The following FAM227B variants were observed in gnomAD, a reference collection of about 807,000 sequenced individuals.
FAM227B encodes protein FAM227B.
FAM227B carries 88 observed loss-of-function variants against 73.8 expected under a neutral mutation model. The ratio of observed to expected loss-of-function variants is 1.19; its 90% CI spans 1.00 to 1.42. FAM227B has a LOEUF of 1.42. FAM227B is among the 40% of genes most tolerant of loss of function. FAM227B has a pLI of 0.00. For missense variants in FAM227B, 632 were observed against 590.9 expected (o/e 1.07, Z -0.72); for synonymous variants, 210 against 190.5 (o/e 1.10, Z -0.84).
At chr15:49,546,535 C>T (rs557082227) in intron 9 of FAM227B, among the ~76,000 whole-genome samples, 152 of 152,328 alleles carry the variant, frequency 1.0e-3, no homozygotes, top group African/African-American at 3.5e-3. Context: ...AATCACCACA[C>T]TGACTTCCAC....
intron 11 of FAM227B, among the ~76,000 whole-genome samples, chr15:49,479,912 C>G (rs1283440634): frequency 6.6e-6 from 1 of 152,144 alleles, no homozygotes; most frequent in Non-Finnish European, 1.5e-5. Flanking sequence ...CTGCGCTCCG[C>G]CCATAGTTAA....
At chr15:49,360,765 G>C (rs1046132853) in intron 13 of FAM227B, among the ~76,000 whole-genome samples, 6 of 152,096 alleles carry the variant, frequency 3.9e-5, no homozygotes, top group Admixed American at 3.9e-4. Context: ...ATATTTAAAT[G>C]TTCTGCTAAT....
intron 2 of FAM227B, among the ~76,000 whole-genome samples, chr15:49,611,661 CTAGT>C (rs2077928567): frequency 6.6e-6 from 1 of 152,100 alleles, no homozygotes; most frequent in Non-Finnish European, 1.5e-5. Flanking sequence ...AAAAAGTTAA[CTAGT>C]TACATAGTTA....
chr15:49,458,065 T>C (rs1010429825), intron 11 of FAM227B, among the ~76,000 whole-genome samples: 1 of 151,922 alleles, frequency 6.6e-6, no homozygotes, highest in Non-Finnish European at 1.5e-5. Flanking sequence ...ACATAAAACA[T>C]GTAAAAATTC....
rs377618631 is a variant in FAM227B at position 49,390,007 on chromosome 15, G to A, written c.1013-18608C>T. Reference sequence around the variant, plus strand: ...TATGGAGAGTGTGGTAATCAGTTGGGCTGTTCAGAAATATTCACCTTTTCA... The same window carrying A: ...TATGGAGAGTGTGGTAATCAGTTGGACTGTTCAGAAATATTCACCTTTTCA... On this transcript the variant is annotated intron_variant, in intron 11 of 15. Transcript: ENST00000299338. 1.5e-4 allele frequency among the ~76,000 whole-genome samples: 23 copies of A among 152,134 alleles called. 1 individual carries two copies. The East Asian group carries it at 3.9e-3, about 26-fold the overall frequency.
At chr15:49,366,826 G>A in intron 13 of FAM227B, 1 of 547,996 alleles carries the variant, frequency 1.8e-6, no homozygotes, top group South Asian at 2.2e-5. Flanking sequence ...CGCCACTGCA[G>A]CCCACACTCT....
chr15:49,366,833 C>G (rs2045300233), intron 13 of FAM227B: 1 of 543,988 alleles, frequency 1.8e-6, no homozygotes, highest in Non-Finnish European at 3.2e-6. Context: ...GCAGCCCACA[C>G]TCTAATTTAG....
At chr15:49,533,666 A>G (rs2060790331) in intron 10 of FAM227B, among the ~76,000 whole-genome samples, 2 of 151,472 alleles carry the variant, frequency 1.3e-5, no homozygotes, top group Admixed American at 6.6e-5. Context: ...TTTAATGTCC[A>G]TTTTATCTGA....
chr15:49,543,285 T>C (rs2071342161), intron 9 of FAM227B, among the ~76,000 whole-genome samples: 1 of 152,210 alleles, frequency 6.6e-6, no homozygotes, highest in Non-Finnish European at 1.5e-5. Flanking sequence ...TTTCATATGT[T>C]TGTTGGCCAT....
At chr15:49,351,856 G>A (rs1275238094) in intron 13 of FAM227B, among the ~76,000 whole-genome samples, 2 of 152,192 alleles carry the variant, frequency 1.3e-5, no homozygotes, top group African/African-American at 4.8e-5. Flanking sequence ...GTGGATGTGG[G>A]CTAGCTTGGG....
chr15:49,467,569 C>G (rs1434644506), intron 11 of FAM227B, among the ~76,000 whole-genome samples: 1 of 152,046 alleles, frequency 6.6e-6, no homozygotes, highest in Non-Finnish European at 1.5e-5. Context: ...CAACTATTTC[C>G]ATTTCATATA....
chr15:49,600,759 C>T (rs1471783115), intron 3 of FAM227B, among the ~76,000 whole-genome samples: 1 of 151,802 alleles, frequency 6.6e-6, no homozygotes, highest in Non-Finnish European at 1.5e-5. Flanking sequence ...TTACTACTGC[C>T]AGGCCGGGCG....
intron 3 of FAM227B, among the ~76,000 whole-genome samples, chr15:49,603,400 A>C (rs1199104460): frequency 5.9e-5 from 9 of 152,036 alleles, no homozygotes. Context: ...TTTGGCTACT[A>C]TACATGGGAT....
At chr15:49,348,967 TC>T (rs1023863737) in intron 13 of FAM227B, among the ~76,000 whole-genome samples, 1 of 152,182 alleles carries the variant, frequency 6.6e-6, no homozygotes, top group African/African-American at 2.4e-5. Flanking sequence ...CCCTTATTCT[TC>T]CGTTGAGTCA....
At chr15:49,340,369 G>A (rs774988917) in intron 13 of FAM227B, among the ~76,000 whole-genome samples, 2 of 151,236 alleles carry the variant, frequency 1.3e-5, no homozygotes, top group East Asian at 2.0e-4. Flanking sequence ...GGAGTTCCCC[G>A]GCCCCTTGTG....
chr15:49,580,075 AC>A (rs1397373321), intron 5 of FAM227B, among the ~76,000 whole-genome samples: 1 of 152,220 alleles, frequency 6.6e-6, no homozygotes, highest in Non-Finnish European at 1.5e-5. Flanking sequence ...TGAAAACGAG[AC>A]CACAAAAATA....
intron 11 of FAM227B, among the ~76,000 whole-genome samples, chr15:49,496,139 T>C (rs978272097): frequency 2.0e-5 from 3 of 152,212 alleles, no homozygotes; most frequent in African/African-American, 7.2e-5. Flanking sequence ...ACATGTCATT[T>C]GCTAAATATC....
chr15:49,338,906 C>T (rs920000784), intron 13 of FAM227B, among the ~76,000 whole-genome samples: 16 of 152,130 alleles, frequency 1.1e-4, no homozygotes, highest in African/African-American at 3.4e-4. Context: ...TCCTTTCTAC[C>T]GCTTGATCAA....
chr15:49,394,337 G>A (rs773132676), intron 11 of FAM227B, among the ~76,000 whole-genome samples: 2 of 152,096 alleles, frequency 1.3e-5, no homozygotes, highest in Non-Finnish European at 2.9e-5. Context: ...TGTGGTGGTG[G>A]GAATTTGTGG....
Sources: allele counts gnomAD v4.1 joint callset (sites outside exome capture counted in the v4.1 genomes callset), GRCh38; gene constraint gnomAD v4.1.1; transcripts MANE v1.5; gene names NCBI Gene and HGNC (gene_info 2026-07-23, HGNC 2026-07-21).